OR9Q1: variants seen among roughly 807,000 people sequenced by gnomAD.
OR9Q1 encodes the protein olfactory receptor 9Q1.
For missense variants in OR9Q1, 374 were observed against 378.8 expected (o/e 0.99, Z 0.11); for synonymous variants, 153 against 148.6 (o/e 1.03, Z -0.22).
At chr11:58,034,074 CTTTTT>C (rs61109050) in intron 1 of OR9Q1, among the ~76,000 whole-genome samples, 1 of 61,112 alleles carries the variant, frequency 1.6e-5, no homozygotes, top group Admixed American at 1.9e-4. Context: ...TCAGCACTTG[CTTTTT>C]TTTTTTTTTT....
intron 1 of OR9Q1, among the ~76,000 whole-genome samples, chr11:58,034,007 G>C (rs895557262): frequency 2.7e-5 from 4 of 149,358 alleles, no homozygotes; most frequent in Non-Finnish European, 5.9e-5. Flanking sequence ...ATTCTATCTT[G>C]CAGGATCAAC....
intron 2 of OR9Q1, among the ~76,000 whole-genome samples, chr11:58,089,965 A>G (rs770734569): frequency 1.3e-5 from 2 of 149,712 alleles, no homozygotes; most frequent in Non-Finnish European, 2.9e-5. Context: ...ATTTGTGCAT[A>G]GGATTGTTTG....
chr11:58,062,242 C>T (rs1164606744), intron 2 of OR9Q1, among the ~76,000 whole-genome samples: 8 of 152,186 alleles, frequency 5.3e-5, no homozygotes, highest in Admixed American at 5.2e-4. Flanking sequence ...AAAGAAATAA[C>T]TGGACCATTG....
At chr11:58,059,147 C>T (rs564534602) in intron 2 of OR9Q1, among the ~76,000 whole-genome samples, 2 of 152,272 alleles carry the variant, frequency 1.3e-5, no homozygotes, top group South Asian at 2.1e-4. Flanking sequence ...GCCTAAGAAA[C>T]CAACTGACGT....
intron 2 of OR9Q1, among the ~76,000 whole-genome samples, chr11:58,147,705 G>T (rs1039489787): frequency 6.6e-6 from 1 of 152,090 alleles, no homozygotes; most frequent in Non-Finnish European, 1.5e-5. Context: ...ATTATCTTCT[G>T]ATTAACGTAA....
intron 2 of OR9Q1, among the ~76,000 whole-genome samples, chr11:58,081,913 CT>C (rs1007877158): frequency 2.6e-5 from 4 of 150,992 alleles, no homozygotes; most frequent in African/African-American, 7.3e-5. Flanking sequence ...TTAAATTGAC[CT>C]TTCTATCAGA....
At chr11:58,176,585 T>C (rs563181444) in intron 2 of OR9Q1, among the ~76,000 whole-genome samples, 2 of 152,214 alleles carry the variant, frequency 1.3e-5, no homozygotes, top group East Asian at 1.9e-4. Flanking sequence ...CCTAATCAGA[T>C]TTTGCAGATC....
chr11:58,161,675 C>G (rs919097866), intron 2 of OR9Q1, among the ~76,000 whole-genome samples: 1 of 151,996 alleles, frequency 6.6e-6, no homozygotes, highest in Non-Finnish European at 1.5e-5. Context: ...TCCCAAGTAG[C>G]TAGGAGTACA....
chr11:58,166,286 G>A (rs1854503820), intron 2 of OR9Q1, among the ~76,000 whole-genome samples: 1 of 152,146 alleles, frequency 6.6e-6, no homozygotes, highest in Admixed American at 6.5e-5. Flanking sequence ...AAGTAAAAAA[G>A]GGAGAGTGGC....
intron 2 of OR9Q1, among the ~76,000 whole-genome samples, chr11:58,079,527 T>C (rs529015719): frequency 7.2e-5 from 11 of 152,190 alleles, no homozygotes; most frequent in Non-Finnish European, 1.5e-4. Context: ...ATCGAAAGAC[T>C]GAATTTATCT....
At chr11:58,039,653 T>C (rs191186332) in intron 1 of OR9Q1, among the ~76,000 whole-genome samples, 29 of 152,326 alleles carry the variant, frequency 1.9e-4, no homozygotes, top group Middle Eastern at 3.4e-3. Flanking sequence ...CCTGTCCTCA[T>C]TTACTCCAAG....
chr11:58,120,731 T>C (rs1854021380), intron 2 of OR9Q1, among the ~76,000 whole-genome samples: 1 of 150,754 alleles, frequency 6.6e-6, no homozygotes, highest in Admixed American at 6.6e-5. Context: ...TGAAACATAA[T>C]CCATTTAACC....
chr11:58,053,071 C>G (rs1011250358), intron 1 of OR9Q1, among the ~76,000 whole-genome samples: 6 of 151,618 alleles, frequency 4.0e-5, no homozygotes, highest in Non-Finnish European at 7.4e-5. Flanking sequence ...ACTAGAAATA[C>G]CATTTGACCC....
In OR9Q1 at chr11:58,063,552, A is replaced by G. The variant is rs527809446; in HGVS notation, c.-15+7605A>G. Among the ~76,000 whole-genome samples the G allele has an allele frequency of 4.6e-5, 7 of 152,324 alleles. No homozygotes were observed. The South Asian group carries it at 1.0e-3, about 23-fold the overall frequency. ...TCAGCCAATATTGCAGAAGAAAAAA[A>G]GCATGTGATAAACTCATTTCTACTA... On this transcript the variant is annotated intron_variant, in intron 2 of 2. Coordinates refer to ENST00000335397, the MANE Select transcript of OR9Q1 (RefSeq NM_001005212.4).
In OR9Q1 at chr11:58,058,613, G is replaced by A. The variant is rs181187338; in HGVS notation, c.-15+2666G>A. Reference sequence around the variant, plus strand: ...CACATTGTTCTCCTGAAGGGCCCCCGCCAGGAGTCTGAAGTGAAAATGGTA... The same window carrying A: ...CACATTGTTCTCCTGAAGGGCCCCCACCAGGAGTCTGAAGTGAAAATGGTA... On this transcript the variant is annotated intron_variant, in intron 2 of 2. Transcript: ENST00000335397. Among the ~76,000 whole-genome samples the A allele has an allele frequency of 2.0e-3, 303 of 152,276 alleles. 3 individuals carry two copies. The highest frequency in any genetic ancestry group is 2.7e-3 in the Non-Finnish European group (183 of 68,032).
At chr11:58,174,424 A>C (rs571309517) in intron 2 of OR9Q1, among the ~76,000 whole-genome samples, 1 of 152,106 alleles carries the variant, frequency 6.6e-6, no homozygotes, top group African/African-American at 2.4e-5. Context: ...ATAAATGCTC[A>C]TTGTTGTGTG....
At chr11:58,031,868 G>A (rs779766362) in intron 1 of OR9Q1, 38 of 1,613,406 alleles carry the variant, frequency 2.4e-5, no homozygotes, top group Non-Finnish European at 3.0e-5. Context: ...GGGAGCTCTG[G>A]GTCGAGTCTT....
At chr11:58,167,283 G>T (rs1033587268) in intron 2 of OR9Q1, among the ~76,000 whole-genome samples, 1 of 151,892 alleles carries the variant, frequency 6.6e-6, no homozygotes, top group Admixed American at 6.6e-5. Context: ...ATATTTACTC[G>T]AGTTTGTTTT....
chr11:58,091,473 C>T (rs185764865), intron 2 of OR9Q1, among the ~76,000 whole-genome samples: 2 of 152,176 alleles, frequency 1.3e-5, no homozygotes, highest in East Asian at 3.9e-4. Flanking sequence ...TTTCTTAATC[C>T]TGAGTTCTAA....
Sources: gnomAD v4.1 joint callset for allele counts (sites outside exome capture counted in the v4.1 genomes callset) on GRCh38, gnomAD v4.1.1 for gene constraint, MANE v1.5 for transcripts, NCBI Gene and HGNC (gene_info 2026-07-23, HGNC 2026-07-21) for gene names.